Variants in PRKCE observed in about 807,000 individuals in gnomAD.
PRKCE encodes the protein protein kinase C epsilon type.
PRKCE carries 16 observed loss-of-function variants against 85.4 expected under a neutral mutation model. That is an observed-to-expected ratio of 0.19 (90% CI 0.13 to 0.28). The LOEUF is 0.28. Ranked by LOEUF, PRKCE falls within the 10% of genes least tolerant of loss-of-function variation. The pLI, the probability that PRKCE is intolerant of heterozygous loss-of-function variation, is 1.00. For synonymous variants in PRKCE, 388 were observed against 371.5 expected (o/e 1.04, Z -0.51); for missense variants, 573 against 975.2 (o/e 0.59, Z 5.49).
chr2:45,818,618 C>T (rs1689272055), intron 1 of PRKCE, among the ~76,000 whole-genome samples: 1 of 152,194 alleles, frequency 6.6e-6, no homozygotes, highest in East Asian at 1.9e-4. Context: ...GCCTTATCTC[C>T]TTCCTAGGCC....
At chr2:45,951,911 C>A (rs1203946577) in intron 2 of PRKCE, among the ~76,000 whole-genome samples, 1 of 152,236 alleles carries the variant, frequency 6.6e-6, no homozygotes, top group Non-Finnish European at 1.5e-5. Flanking sequence ...TGGCTCACTG[C>A]AAACTCTGCC....
At position 45,774,483 on chromosome 2, in the gene PRKCE, A is replaced by G. The variant is rs1317191675; in HGVS notation, c.349-68517A>G. Among the ~76,000 whole-genome samples the G allele has an allele frequency of 6.6e-6, 1 of 152,078 alleles. No homozygotes were observed. The highest frequency in any genetic ancestry group is 1.5e-5 in the Non-Finnish European group (1 of 68,020). The stretch of plus-strand genomic sequence containing the variant: ...TGCCCGCTTTTTCTCTCTTTTTGAT[A>G]AATTCTCTTCCCTCCCTGTCTCTCC... On this transcript the variant is annotated intron_variant, in intron 1 of 14. Coordinates refer to ENST00000306156, the MANE Select transcript of PRKCE (RefSeq NM_005400.3). The surrounding 1 kb of genome is among the most constrained non-coding windows in gnomAD (Gnocchi z 4.3).
chr2:46,039,285 C>T (rs1469971971), intron 10 of PRKCE, among the ~76,000 whole-genome samples: 1 of 152,208 alleles, frequency 6.6e-6, no homozygotes, highest in African/African-American at 2.4e-5. Context: ...CTGCTTCCCA[C>T]CCAGTTTCTC....
Position 46,184,316 on chromosome 2 carries a change from G to A in PRKCE, c.2068-419G>A, listed in dbSNP as rs1680280750. Among the ~76,000 whole-genome samples the A allele has an allele frequency of 6.6e-6, 1 of 152,116 alleles. No homozygotes were observed. Among genetic ancestry groups the A allele is most frequent in the Admixed American group, 6.5e-5 (1 of 15,272 alleles). On this transcript the variant is annotated intron_variant, in intron 14 of 14. Coordinates refer to ENST00000306156, the MANE Select transcript of PRKCE (RefSeq NM_005400.3). This position sits in a 1 kb window ranked among gnomAD's most constrained non-coding sequence, Gnocchi z 5.0. ...CGGGTTATGGGGAAGAAGGACCTCT[G>A]AGAGGGGATTCAGATCTGTTCCCTG...
intron 1 of PRKCE, among the ~76,000 whole-genome samples, chr2:45,804,369 C>T (rs1022391657): frequency 2.6e-5 from 4 of 152,126 alleles, no homozygotes; most frequent in African/African-American, 4.8e-5. Flanking sequence ...CCATCCCTAC[C>T]GACCTGAATT....
At chr2:46,048,194 G>C (rs1009163839) in intron 10 of PRKCE, among the ~76,000 whole-genome samples, 3 of 151,614 alleles carry the variant, frequency 2.0e-5, no homozygotes, top group African/African-American at 7.3e-5. Context: ...TCTGTTTTCT[G>C]TTCTTTCTCT....
chr2:45,920,926 G>A (rs552299794), intron 2 of PRKCE, among the ~76,000 whole-genome samples: 2 of 152,138 alleles, frequency 1.3e-5, no homozygotes, highest in Admixed American at 1.3e-4. Context: ...CCAAATAATT[G>A]TTGTCCTACC....
At chr2:45,995,846 C>T (rs898584662) in intron 6 of PRKCE, among the ~76,000 whole-genome samples, 17 of 152,202 alleles carry the variant, frequency 1.1e-4, no homozygotes, top group African/African-American at 4.1e-4. Context: ...GGTCTTTTGC[C>T]TGGGTCTTTT....
chr2:46,173,314 G>A (rs1465188846), intron 14 of PRKCE, among the ~76,000 whole-genome samples: 1 of 152,212 alleles, frequency 6.6e-6, no homozygotes, highest in African/African-American at 2.4e-5. Context: ...GAGCGGAGTG[G>A]TTATGACAGA....
At chr2:45,729,162 T>A (rs1681344065) in intron 1 of PRKCE, among the ~76,000 whole-genome samples, 1 of 152,214 alleles carries the variant, frequency 6.6e-6, no homozygotes, top group Non-Finnish European at 1.5e-5. Flanking sequence ...AGAGGCATTG[T>A]CCTTGGGACC....
intron 1 of PRKCE, among the ~76,000 whole-genome samples, chr2:45,817,289 T>G (rs2105308523): frequency 6.6e-6 from 1 of 152,300 alleles, no homozygotes; most frequent in Non-Finnish European, 1.5e-5. Context: ...CTTACTTATT[T>G]TTACTTTATC....
intron 2 of PRKCE, among the ~76,000 whole-genome samples, chr2:45,871,029 G>A (rs1157868421): frequency 6.6e-6 from 1 of 152,250 alleles, no homozygotes; most frequent in Non-Finnish European, 1.5e-5. Flanking sequence ...CAGGGATGTA[G>A]TGGAAGAGAC....
At chr2:46,095,340 A>G (rs1170798282) in intron 11 of PRKCE, among the ~76,000 whole-genome samples, 1 of 152,186 alleles carries the variant, frequency 6.6e-6, no homozygotes, top group Non-Finnish European at 1.5e-5. Context: ...GGCTTCCAGA[A>G]TACACATGTT....
chr2:45,758,957 A>G (rs1016562122), intron 1 of PRKCE, among the ~76,000 whole-genome samples: 4 of 152,276 alleles, frequency 2.6e-5, no homozygotes, highest in African/African-American at 9.6e-5. Flanking sequence ...CAAGGGAGTG[A>G]TATGGTGAAG....
At chr2:45,870,001 C>T (rs1212012879) in intron 2 of PRKCE, among the ~76,000 whole-genome samples, 3 of 152,132 alleles carry the variant, frequency 2.0e-5, no homozygotes, top group South Asian at 2.1e-4. Flanking sequence ...CCACTGCGCC[C>T]GGCCCCATTA....
Position 46,004,093 on chromosome 2 carries a change from T to A in PRKCE, c.967-449T>A, listed in dbSNP as rs1246449663. On this transcript the variant is annotated intron_variant, in intron 7 of 14. Coordinates refer to ENST00000306156, the MANE Select transcript of PRKCE (RefSeq NM_005400.3). The surrounding 1 kb of genome is among the most constrained non-coding windows in gnomAD (Gnocchi z 4.1). Reference sequence around the variant, plus strand: ...CACCTTGCTGGGGTAGATACCCACGTGGATAGTTGAACATTAGCCTTTTCC... The same window carrying A: ...CACCTTGCTGGGGTAGATACCCACGAGGATAGTTGAACATTAGCCTTTTCC... 3 of 237,394 alleles carry A rather than the reference T, an allele frequency of 1.3e-5. No homozygotes were observed. Among genetic ancestry groups the A allele is most frequent in the Non-Finnish European group, 2.5e-5 (3 of 117,744 alleles). The allele number at this position is 237,394 out of a possible 1,614,324, so 14.7% of individuals were successfully genotyped here.
Position 45,652,244 on chromosome 2 carries a change from C to A in PRKCE, c.144C>A (p.Asp48Glu). ...CCTACATTGCCCTCAATGTGGACGA[C>A]TCGCGCATCGGCCAAACGGCCACCA... ...LDPYIALNVD[D>E]SRIGQTATKQ... Residue 48 changes from aspartate to glutamate, a missense_variant, in exon 1 of 15, where the codon GAC becomes GAA. Asp to Glu is a conservative substitution (Grantham distance 45). This residue lies in a region of PRKCE where 100 missense variants were observed against 177.1 expected (regional missense o/e 0.56). Coordinates refer to ENST00000306156, the MANE Select transcript of PRKCE (RefSeq NM_005400.3). The surrounding 1 kb of genome is among the most constrained non-coding windows in gnomAD (Gnocchi z 7.7). The A allele has an allele frequency of 6.2e-7, 1 of 1,613,426 alleles. No individual in the cohort carries two copies. The highest frequency in any genetic ancestry group is 8.5e-7 in the Non-Finnish European group (1 of 1,180,012).
chr2:45,976,406 TC>T, intron 2 of PRKCE, 22 bp from the exon 3 acceptor site: 12 of 1,596,212 alleles, frequency 7.5e-6, no homozygotes, highest in Non-Finnish European at 1.0e-5. Context: ...TCCGTTTTCT[TC>T]CCTGCTCTTG....
At chr2:46,095,821 C>T (rs1670629031) in intron 11 of PRKCE, among the ~76,000 whole-genome samples, 3 of 152,196 alleles carry the variant, frequency 2.0e-5, no homozygotes, top group African/African-American at 7.2e-5. Context: ...CAGTCTTTAT[C>T]CAGAAATGAA....
Sources: gnomAD v4.1 joint callset for allele counts (sites outside exome capture counted in the v4.1 genomes callset) on GRCh38, gnomAD v4.1.1 for gene constraint, gnomAD v4.1.1 regional missense constraint, Gnocchi (gnomAD v3.1) non-coding constraint, MANE v1.5 for transcripts, NCBI Gene and HGNC (gene_info 2026-07-23, HGNC 2026-07-21) for gene names.